The following RAP1GAP variants were observed in gnomAD, a reference collection of about 807,000 sequenced individuals.
RAP1GAP encodes rap1 GTPase-activating protein 1.
A neutral mutation model predicts 87.2 loss-of-function variants in RAP1GAP; 35 were observed. The ratio of observed to expected loss-of-function variants is 0.40; its 90% CI spans 0.31 to 0.53. RAP1GAP has a LOEUF of 0.53. Among genes scored for constraint, RAP1GAP ranks in the 20% least tolerant of loss-of-function variants. The probability of loss-of-function intolerance (pLI) is 0.48; values close to 1 mark genes in which losing one functional copy is unlikely to be tolerated. For missense variants in RAP1GAP, 734 were observed against 898.9 expected (o/e 0.82, Z 2.35); for synonymous variants, 375 against 363.9 (o/e 1.03, Z -0.35).
At chr1:21,653,225 C>G (rs1455574656) in intron 1 of RAP1GAP, 1 of 152,186 alleles carries the variant, frequency 6.6e-6, no homozygotes, top group Non-Finnish European at 1.5e-5. Context: ...TCTTGGGGAT[C>G]TGCCCTCAGC....
intron 1 of RAP1GAP, chr1:21,667,596 ACCT>A (rs1193494317): frequency 6.6e-6 from 1 of 152,088 alleles, no homozygotes; most frequent in Non-Finnish European, 1.5e-5. Context: ...AGGCACCCTC[ACCT>A]CCTGGCAGCA....
Position 21,597,949 on chromosome 1 carries a change from G to C in RAP1GAP, c.1983+12C>G. 1 of 1,559,780 alleles carries C rather than the reference G, an allele frequency of 6.4e-7. No homozygotes were observed. Among genetic ancestry groups the C allele is most frequent in the African/African-American group, 1.4e-5 (1 of 73,878 alleles). On this transcript the variant is annotated intron_variant, in intron 23 of 24. Transcript: ENST00000374765. ...GGCTCCCTCAGCACCAGCCCCAGGA[G>C]GCTGCACGTACCAGCTGGGGCATGT...
At chr1:21,649,643 G>T in intron 2 of RAP1GAP, 118 bp downstream of exon 2, 1 of 1,221,296 alleles carries the variant, frequency 8.2e-7, no homozygotes, top group Non-Finnish European at 1.2e-6. Flanking sequence ...TGCCCTGAGA[G>T]GATGGTTGGA....
At chr1:21,651,732 AC>A (rs1558884817) in intron 1 of RAP1GAP, 1 of 1,351,814 alleles carries the variant, frequency 7.4e-7, no homozygotes, top group Non-Finnish European at 9.9e-7. Flanking sequence ...ACGCGTGCAC[AC>A]GCACACGCGC....
Position 21,602,828 on chromosome 1 carries a change from T to C in RAP1GAP, c.1514A>G (p.Asn505Ser), listed in dbSNP as rs1239798227. Residue 505 changes from asparagine (N) to serine (S), a missense_variant, in exon 19 of 25, where the codon AAC (asparagine) becomes AGC (serine). By Grantham distance (46) the Asn-to-Ser change is conservative. This residue lies in a region of RAP1GAP where 249 missense variants were observed against 252.7 expected (regional missense o/e 0.99). Transcript: ENST00000374765. The stretch of plus-strand genomic sequence containing the variant: ...CCTCTTCTCCTGCACCTCCTGTATG[T>C]TCTCGATGCCAATGGCGCTGCTGCG... ...SRRSSAIGIE[N>S]IQEVQEKRES... is the part of the protein sequence containing the mutation. The C allele has an allele frequency of 1.2e-6, 2 of 1,609,912 alleles. No individual in the cohort carries two copies. Among genetic ancestry groups the C allele is most frequent in the Non-Finnish European group, 1.7e-6 (2 of 1,179,600 alleles).
intron 1 of RAP1GAP, among the ~76,000 whole-genome samples, chr1:21,659,521 C>T (rs2097025266): frequency 6.6e-6 from 1 of 152,114 alleles, no homozygotes; most frequent in Non-Finnish European, 1.5e-5. Context: ...AAGGGCGCAC[C>T]TGCGCCCGCC....
chr1:21,640,794 A>G (rs2095448051), intron 2 of RAP1GAP, among the ~76,000 whole-genome samples: 1 of 152,178 alleles, frequency 6.6e-6, no homozygotes, highest in African/African-American at 2.4e-5. Flanking sequence ...TACAGGTTGG[A>G]GCCCAGCCTC....
chr1:21,667,782 C>T (rs958533738), intron 1 of RAP1GAP: 2 of 152,342 alleles, frequency 1.3e-5, no homozygotes, highest in Admixed American at 1.3e-4. Context: ...TCAGTTTCCT[C>T]ACCTGTGCAA....
Position 21,634,567 on chromosome 1 carries a change from G to A in RAP1GAP, c.-112-8170C>T, listed in dbSNP as rs1234122165. 6.6e-6 allele frequency among the ~76,000 whole-genome samples: 1 copy of A among 152,226 alleles called. No individual in the cohort carries two copies. Among genetic ancestry groups the A allele is most frequent in the Non-Finnish European group, 1.5e-5 (1 of 68,030 alleles). On this transcript the variant is annotated intron_variant, in intron 2 of 24. Coordinates refer to ENST00000374765, the MANE Select transcript of RAP1GAP (RefSeq NM_002885.4). The surrounding 1 kb of genome is among the most constrained non-coding windows in gnomAD (Gnocchi z 4.1). ...GGAGACTCAGGCCCCAAGCTGGGCA[G>A]AGGGATGGGCAGGAAGGTGGCACAT... is the stretch of plus-strand genomic sequence containing the variant.
chr1:21,608,202 G>GGGCC lies in RAP1GAP; in HGVS notation c.1296+7_1296+10dup. ...CCTGCTCCCCGGCCAGTTAGACCTG[G>GGGCC]GGCCCTTCACCTTGAAAGACTCAAA... On this transcript the variant is annotated intron_variant, in intron 17 of 24. Coordinates refer to ENST00000374765, the MANE Select transcript of RAP1GAP (RefSeq NM_002885.4). 6.2e-7 allele frequency: 1 copy of GGGCC among 1,613,536 alleles called. No homozygotes were observed. Among genetic ancestry groups the GGGCC allele is most frequent in the East Asian group, 2.2e-5 (1 of 44,866 alleles).
Position 21,610,175 on chromosome 1 carries a change from T to C in RAP1GAP, c.944A>G (p.His315Arg). Residue 315 changes from histidine (H) to arginine (R), a missense_variant, in exon 14 of 25, where the codon CAT becomes CGT. His to Arg is a conservative substitution (Grantham distance 29, BLOSUM62 0). Transcript: ENST00000374765. ...VPDMIASNFL[H>R]AYVVVQAEGG... is the part of the protein sequence containing the mutation. The stretch of plus-strand genomic sequence containing the variant: ...CTCAGCCTGCACCACGACGTAGGCA[T>C]GCAGGAAGTTGGACGCGATCATGTC... 6.2e-7 allele frequency: 1 copy of C among 1,614,184 alleles called. No homozygotes were observed. Among genetic ancestry groups the C allele is most frequent in the Non-Finnish European group, 8.5e-7 (1 of 1,180,026 alleles).
chr1:21,648,114 T>G (rs918521367), intron 2 of RAP1GAP, among the ~76,000 whole-genome samples: 1 of 152,202 alleles, frequency 6.6e-6, no homozygotes, highest in Non-Finnish European at 1.5e-5. Context: ...CGGCTCCAGC[T>G]AGGCGAGCAC....
chr1:21,632,602 C>A (rs1346157387), intron 2 of RAP1GAP, among the ~76,000 whole-genome samples: 1 of 152,184 alleles, frequency 6.6e-6, no homozygotes, highest in Non-Finnish European at 1.5e-5. Context: ...CCATACTCTG[C>A]AAAACAGCAG....
chr1:21,617,334 C>A lies in RAP1GAP; in HGVS notation c.263G>T (p.Arg88Leu). ...GCCGAGAAAGTGCTTCCGGTAGATG[C>A]GGGCTGTGGGGTTGCACTCGAGCTT... ...KVKLECNPTARIYRKHFLGKE... is the reference protein window; with the variant it reads ...KVKLECNPTALIYRKHFLGKE... The change falls in exon 7 of 25, where the codon CGC (arginine) becomes CTC (leucine). Residue 88 changes from arginine (R) to leucine (L), a missense_variant. Transcript: ENST00000374765. 6.3e-7 allele frequency: 1 copy of A among 1,589,342 alleles called. No homozygotes were observed. The highest frequency in any genetic ancestry group is 2.3e-5 in the East Asian group (1 of 43,980).
At position 21,634,282 on chromosome 1, in the gene RAP1GAP, C is replaced by T. The variant is rs555877078; in HGVS notation, c.-112-7885G>A. On this transcript the variant is annotated intron_variant, in intron 2 of 24. Transcript: ENST00000374765. This position sits in a 1 kb window ranked among gnomAD's most constrained non-coding sequence, Gnocchi z 4.1. The stretch of plus-strand genomic sequence containing the variant: ...ACAGGCACGGGAGGCTCCTGTGTCC[C>T]CTTTCCCTGGGCACCGTTGACCTCT... 6.6e-5 allele frequency among the ~76,000 whole-genome samples: 10 copies of T among 152,138 alleles called. No homozygotes were observed. Among genetic ancestry groups the T allele is most frequent in the Non-Finnish European group, 1.0e-4 (7 of 68,018 alleles).
In RAP1GAP at chr1:21,635,110, C is replaced by T. The variant is rs745654534; in HGVS notation, c.-112-8713G>A. Among the ~76,000 whole-genome samples, 7 of 152,306 alleles carry T rather than the reference C, an allele frequency of 4.6e-5. No individual in the cohort carries two copies. The East Asian group carries it at 1.2e-3, about 25-fold the overall frequency. On this transcript the variant is annotated intron_variant, in intron 2 of 24. Transcript: ENST00000374765. ...GATGGTGACTTCCAAGCTTCCACCCCGAAGCTCAGCCCCAGCTGCTCTGCC... is the reference window on the plus strand; with the variant it reads ...GATGGTGACTTCCAAGCTTCCACCCTGAAGCTCAGCCCCAGCTGCTCTGCC...
At chr1:21,639,894 C>A (rs1429012466) in intron 2 of RAP1GAP, among the ~76,000 whole-genome samples, 1 of 152,150 alleles carries the variant, frequency 6.6e-6, no homozygotes, top group Non-Finnish European at 1.5e-5. Flanking sequence ...CCGGCAGGAG[C>A]GTGAATGGGT....
chr1:21,607,267 C>T (rs1404878531), intron 17 of RAP1GAP, among the ~76,000 whole-genome samples: 1 of 152,220 alleles, frequency 6.6e-6, no homozygotes, highest in African/African-American at 2.4e-5. Context: ...TTTCAGACAA[C>T]ATTTGCTGAG....
chr1:21,611,795 T>A lies in RAP1GAP; in HGVS notation c.634A>T (p.Ser212Cys). 1 of 1,613,628 alleles carries A rather than the reference T, an allele frequency of 6.2e-7. No homozygotes were observed. The highest frequency in any genetic ancestry group is 1.1e-5 in the South Asian group (1 of 91,070). The stretch of plus-strand genomic sequence containing the variant: ...AAAGCGGGACTTTCCTCATTGGTGC[T>A]GAAGAGTTCTTCCTCGGAGGTCTGG... The part of the protein sequence containing the change: ...LGQTSEEELF[S>C]TNEESPAFVE... Residue 212 changes from serine to cysteine, a missense_variant, in exon 12 of 25, where the codon AGC becomes TGC. Ser to Cys is a moderately radical substitution (Grantham distance 112). Transcript: ENST00000374765.
Sources: allele counts gnomAD v4.1 joint callset (sites outside exome capture counted in the v4.1 genomes callset), GRCh38; gene constraint gnomAD v4.1.1; regional missense constraint gnomAD v4.1.1; non-coding constraint Gnocchi (gnomAD v3.1); transcripts MANE v1.5; gene names NCBI Gene and HGNC (gene_info 2026-07-23, HGNC 2026-07-21).